DGKH: variants seen among roughly 807,000 people sequenced by gnomAD.
DGKH encodes DAG kinase eta.
Under a neutral mutation model 159.3 loss-of-function variants are expected in DGKH, and 90 were observed. The ratio of observed to expected loss-of-function variants is 0.57; its 90% CI spans 0.48 to 0.67. The LOEUF is 0.67. DGKH is among the 30% of genes least tolerant of loss of function. The probability of loss-of-function intolerance (pLI) is 0.00; values close to 1 mark genes in which losing one functional copy is unlikely to be tolerated. For missense variants in DGKH, 1,181 were observed against 1,506.1 expected, an observed-to-expected ratio of 0.78 and a Z score of 3.57; for synonymous variants, 536 against 553.8, an observed-to-expected ratio of 0.97 and a Z score of 0.45.
rs557540252 is a variant in DGKH, at chr13:42,084,059, T to C, written c.192+35094T>C. ...ATTATGGTGAAGCCATAACTAGAAA[T>C]TGATCACTAACCTTTAATCAGAATC... On this transcript the variant is annotated intron_variant, in intron 1 of 29. Transcript: ENST00000337343. Among the ~76,000 whole-genome samples, 5 of 152,166 alleles carry C rather than the reference T, an allele frequency of 3.3e-5. No homozygotes were observed. In the East Asian group the frequency reaches 5.8e-4, roughly 18 times the overall value.
At position 42,159,388 on chromosome 13, in the gene DGKH, G is replaced by A; in HGVS notation, c.729+16G>A. 1 of 1,541,146 alleles carries A rather than the reference G, an allele frequency of 6.5e-7. No homozygotes were observed. The highest frequency in any genetic ancestry group is 9.0e-7 in the Non-Finnish European group (1 of 1,114,172). The stretch of plus-strand genomic sequence containing the variant: ...TGAAGATGGCGTAAGCTGCTGCTCT[G>A]TCTCTGCTCTCTTCCCACTAACTCC... On this transcript the variant is annotated intron_variant, in intron 6 of 29. Coordinates refer to ENST00000337343, the MANE Select transcript of DGKH (RefSeq NM_178009.5).
At chr13:42,116,698 G>A (rs1011404124) in intron 1 of DGKH, among the ~76,000 whole-genome samples, 8 of 152,200 alleles carry the variant, frequency 5.3e-5, no homozygotes, top group African/African-American at 1.7e-4. Context: ...TCCATCTAAG[G>A]AGCTTCCACT....
Position 42,238,796 on chromosome 13 carries a change from T to C in DGKH, c.*9608T>C, listed in dbSNP as rs1958466283. On this transcript the variant is annotated 3_prime_UTR_variant, in exon 30 of 30. Transcript: ENST00000337343. ...TAGAATAACCTAGTTAAAATCATTA[T>C]ATTAGTTATACATGAGAGTCAGTGA... 1 of 152,220 alleles carries C rather than the reference T, an allele frequency of 6.6e-6. No homozygotes were observed. The highest frequency in any genetic ancestry group is 2.4e-5 in the African/African-American group (1 of 41,474). 9.4% of individuals were successfully genotyped at this position (152,220 alleles called of 1,614,324 possible).
intron 16 of DGKH, among the ~76,000 whole-genome samples, chr13:42,194,553 A>G (rs1957157992): frequency 2.0e-5 from 3 of 152,244 alleles, no homozygotes; most frequent in Admixed American, 2.0e-4. Flanking sequence ...GGTAGTGTGC[A>G]TTATAATACA....
intron 3 of DGKH, among the ~76,000 whole-genome samples, chr13:42,154,647 TG>T (rs1256812302): frequency 6.6e-6 from 1 of 152,160 alleles, no homozygotes; most frequent in Admixed American, 6.5e-5. Context: ...TTCTACACAG[TG>T]GGGGAAGAAT....
intron 1 of DGKH, among the ~76,000 whole-genome samples, chr13:42,053,003 A>G (rs1021078194): frequency 1.3e-5 from 2 of 152,230 alleles, no homozygotes; most frequent in African/African-American, 4.8e-5. Context: ...TAGGTAAAAC[A>G]TACCTAAACA....
At chr13:42,174,962 G>T (rs1221172039) in intron 12 of DGKH, among the ~76,000 whole-genome samples, 2 of 152,176 alleles carry the variant, frequency 1.3e-5, no homozygotes, top group Non-Finnish European at 2.9e-5. Context: ...CTCTACTACA[G>T]ACCATAAATG....
chr13:42,180,422 G>A (rs1956721320), intron 13 of DGKH, among the ~76,000 whole-genome samples: 1 of 152,302 alleles, frequency 6.6e-6, no homozygotes, highest in East Asian at 1.9e-4. Context: ...CTATTTGTGG[G>A]GGATATGGAA....
chr13:42,175,663 A>G (rs1257452104), intron 12 of DGKH, among the ~76,000 whole-genome samples: 1 of 152,142 alleles, frequency 6.6e-6, no homozygotes, highest in East Asian at 1.9e-4. Context: ...TTTTTTGTAC[A>G]AAAGAGTTTT....
rs751072215 is a variant in DGKH at position 42,048,806 on chromosome 13, G to T, written c.33G>T (p.Pro11=). 5 of 1,322,430 alleles carry T rather than the reference G, an allele frequency of 3.8e-6. No individual in the cohort carries two copies. The East Asian group carries it at 1.2e-4, about 33-fold the overall frequency. The allele number at this position is 1,322,430 out of a possible 1,614,324, so 81.9% of individuals were successfully genotyped here. The change falls in exon 1 of 30, where the codon CCG becomes CCT. Residue 11 remains proline, a synonymous_variant. Transcript: ENST00000337343. This position sits in a 1 kb window ranked among gnomAD's most constrained non-coding sequence, Gnocchi z 6.7. ...GGGCCGGAGGCCAGCACCACCCTCCGGGCGCCGCTGGAGGAGCGGCCGCCG... is the reference window on the plus strand; with the variant it reads ...GGGCCGGAGGCCAGCACCACCCTCCTGGCGCCGCTGGAGGAGCGGCCGCCG... MAGAGGQHHP[P]GAAGGAAAGA...
intron 8 of DGKH, among the ~76,000 whole-genome samples, chr13:42,166,063 G>A (rs1956306603): frequency 6.6e-6 from 1 of 152,030 alleles, no homozygotes; most frequent in Non-Finnish European, 1.5e-5. Flanking sequence ...ATACAGGGAG[G>A]ACTGTACTAT....
At chr13:42,094,467 T>C (rs1287487218) in intron 1 of DGKH, among the ~76,000 whole-genome samples, 1 of 152,198 alleles carries the variant, frequency 6.6e-6, no homozygotes, top group Non-Finnish European at 1.5e-5. Context: ...TGTGAGTCTT[T>C]GAGAAGCATC....
chr13:42,177,681 A>G (rs1358454029), intron 12 of DGKH, among the ~76,000 whole-genome samples: 1 of 152,108 alleles, frequency 6.6e-6, no homozygotes, highest in Non-Finnish European at 1.5e-5. Context: ...TTTTCATTTT[A>G]GCCATTTTGG....
At chr13:42,087,044 A>AACACAC (rs71298957) in intron 1 of DGKH, among the ~76,000 whole-genome samples, 22,433 of 139,868 alleles carry the variant, frequency 0.16, 1,843 homozygotes, top group Non-Finnish European at 0.18. Flanking sequence ...CCAGAAGGAA[A>AACACAC]ACACACACAC....
At chr13:42,168,414 T>C (rs1412625965) in intron 9 of DGKH, 26 bp from the exon 10 acceptor site, 1 of 1,584,428 alleles carries the variant, frequency 6.3e-7, no homozygotes, top group African/African-American at 1.4e-5. Flanking sequence ...TTCTTTATAC[T>C]AAAATAAAAT....
intron 29 of DGKH, among the ~76,000 whole-genome samples, chr13:42,248,637 A>G (rs1377877334): frequency 6.8e-6 from 1 of 147,892 alleles, no homozygotes; most frequent in African/African-American, 2.5e-5. Context: ...TATTTGTAAT[A>G]TATAATTATG....
chr13:42,080,009 T>C (rs1954170136), intron 1 of DGKH, among the ~76,000 whole-genome samples: 1 of 152,206 alleles, frequency 6.6e-6, no homozygotes, highest in Non-Finnish European at 1.5e-5. Context: ...TTTTTTATTG[T>C]GGAAAAACCT....
chr13:42,173,819 T>C (rs750008944), intron 11 of DGKH, among the ~76,000 whole-genome samples: 19 of 152,190 alleles, frequency 1.2e-4, no homozygotes, highest in Non-Finnish European at 1.6e-4. Flanking sequence ...AAGCCACTAA[T>C]TGGAGAAATG....
chr13:42,181,634 A>G, intron 13 of DGKH: 1 of 306,616 alleles, frequency 3.3e-6, no homozygotes, highest in Non-Finnish European at 7.2e-6. Flanking sequence ...AAGTGATGTC[A>G]GGCCTTGTGA....
Sources: allele counts gnomAD v4.1 joint callset (sites outside exome capture counted in the v4.1 genomes callset), GRCh38; gene constraint gnomAD v4.1.1; non-coding constraint Gnocchi (gnomAD v3.1); transcripts MANE v1.5; gene names NCBI Gene and HGNC (gene_info 2026-07-23, HGNC 2026-07-21).